CUL5: variants seen among roughly 807,000 people sequenced by gnomAD.
CUL5 encodes the protein cullin 5.
A neutral mutation model predicts 108.8 loss-of-function variants in CUL5; 26 were observed. That is an observed-to-expected ratio of 0.24 (90% confidence interval 0.18 to 0.33). The LOEUF (loss-of-function observed/expected upper bound fraction) is 0.33. CUL5 is among the 10% of genes least tolerant of loss of function. The pLI is 1.00. For synonymous variants in CUL5, 334 were observed against 298.0 expected (o/e 1.12, Z -1.25); for missense variants, 524 against 909.2 (o/e 0.58, Z 5.45).
Position 108,104,165 on chromosome 11 carries a change from CTTTTAT to C in CUL5, c.2149-14_2149-9del. The C allele has an allele frequency of 1.4e-6, 2 of 1,464,876 alleles. No individual in the cohort carries two copies. The highest frequency in any genetic ancestry group is 1.9e-6 in the Non-Finnish European group (2 of 1,078,462). The allele number at this position is 1,464,876 out of a possible 1,614,324, so 90.7% of individuals were successfully genotyped here. ...TAAAATAATTTCGTATATTAATGCG[CTTTTAT>C]TTTTATTTTTTCTTTTAGGAAGCTA... On this transcript the variant is annotated intron_variant, in intron 18 of 18. Transcript: ENST00000393094.
intron 1 of CUL5, among the ~76,000 whole-genome samples, chr11:108,031,474 G>A (rs1449043388): frequency 2.0e-5 from 3 of 152,100 alleles, no homozygotes; most frequent in Admixed American, 6.6e-5. Context: ...TTTTGCATAT[G>A]GTATAAGAAA....
intron 1 of CUL5, among the ~76,000 whole-genome samples, chr11:108,026,775 G>T (rs921940906): frequency 2.0e-5 from 3 of 152,058 alleles, no homozygotes; most frequent in African/African-American, 7.2e-5. Flanking sequence ...CGGATCACGA[G>T]GTCAGGAGTT....
chr11:108,010,511 ACTCCCTGAATAG>A (rs1357206353), intron 1 of CUL5, among the ~76,000 whole-genome samples: 1 of 152,040 alleles, frequency 6.6e-6, no homozygotes, highest in Non-Finnish European at 1.5e-5. Context: ...CTAGAATTAG[ACTCCCTGAATAG>A]CCACCACTTA....
Position 108,094,916 on chromosome 11 carries a change from G to A in CUL5, c.1672G>A (p.Val558Ile), listed in dbSNP as rs1189162598. 4 of 1,613,364 alleles carry A rather than the reference G, an allele frequency of 2.5e-6. No individual in the cohort carries two copies. The highest frequency in any genetic ancestry group is 3.4e-6 in the Non-Finnish European group (4 of 1,179,618). The change falls in exon 15 of 19, where the codon GTA (valine) becomes ATA (isoleucine). Residue 558 changes from valine (V) to isoleucine (I), a missense_variant. This residue lies in a region of CUL5 where 64 missense variants were observed against 152.0 expected (regional missense o/e 0.42). Coordinates refer to ENST00000393094, the MANE Select transcript of CUL5 (RefSeq NM_003478.6). Reference sequence around the variant, plus strand: ...TGAACTGGAGGACTTGATACCGGAAGTAGAAGAATTCTACAAAAAAAATCA... The same window carrying A: ...TGAACTGGAGGACTTGATACCGGAAATAGAAGAATTCTACAAAAAAAATCA... ...PTELEDLIPE[V>I]EEFYKKNHSG...
chr11:108,030,053 A>T (rs1268426493), intron 1 of CUL5, among the ~76,000 whole-genome samples: 1 of 152,240 alleles, frequency 6.6e-6, no homozygotes, highest in African/African-American at 2.4e-5. Context: ...GTTTATTTGC[A>T]CACCTCTTCC....
At chr11:108,058,971 A>G (rs1300994558) in intron 7 of CUL5, among the ~76,000 whole-genome samples, 2 of 152,152 alleles carry the variant, frequency 1.3e-5, no homozygotes, top group Non-Finnish European at 2.9e-5. Context: ...ACACAACCAT[A>G]AGAAAAGAGC....
At chr11:108,065,341 C>T (rs1005978376) in intron 7 of CUL5, among the ~76,000 whole-genome samples, 1 of 152,010 alleles carries the variant, frequency 6.6e-6, no homozygotes, top group Non-Finnish European at 1.5e-5. Context: ...TTTATTATGG[C>T]TTCTATCTCA....
chr11:108,095,556 A>G lies in CUL5; in HGVS notation c.1770A>G (p.Gln590=), dbSNP rs74958279. Residue 590 remains glutamine, a synonymous_variant, in exon 16 of 19, where the codon CAA becomes CAG. Coordinates refer to ENST00000393094, the MANE Select transcript of CUL5 (RefSeq NM_003478.6). The part of the protein sequence containing the change: ...GIITFKNEVG[Q]YDLEVTTFQL... ...TAACATTTAAGAATGAAGTTGGTCA[A>G]TATGATTTGGAGGTAACCACGTTTC... The G allele has an allele frequency of 7.4e-6, 12 of 1,611,608 alleles. No homozygotes were observed. The highest frequency in any genetic ancestry group is 4.0e-5 in the African/African-American group (3 of 74,956).
At chr11:108,042,230 T>TC (rs1016256253) in intron 2 of CUL5, among the ~76,000 whole-genome samples, 2 of 149,808 alleles carry the variant, frequency 1.3e-5, no homozygotes, top group Admixed American at 1.3e-4. Context: ...TTTTTTTTTT[T>TC]TTTTTTTGAG....
chr11:108,046,522 G>A (rs1286959367), intron 3 of CUL5, 153 bp downstream of exon 3: 14 of 536,648 alleles, frequency 2.6e-5, no homozygotes, highest in East Asian at 2.5e-4. Context: ...TGAAATGATC[G>A]TCATTAGTTG....
At chr11:108,099,012 T>TTC (rs1241645772) in intron 18 of CUL5, among the ~76,000 whole-genome samples, 2 of 150,508 alleles carry the variant, frequency 1.3e-5, no homozygotes, top group Non-Finnish European at 3.0e-5. Context: ...GTACTTTTTT[T>TTC]TTTTTTTTTT....
intron 1 of CUL5, among the ~76,000 whole-genome samples, chr11:108,019,286 A>G (rs1243560909): frequency 6.6e-6 from 1 of 152,094 alleles, no homozygotes; most frequent in Non-Finnish European, 1.5e-5. Flanking sequence ...TCTTTTGGTT[A>G]GTGGGGATTG....
intron 10 of CUL5, among the ~76,000 whole-genome samples, chr11:108,076,774 A>G (rs1030167902): frequency 6.6e-6 from 1 of 152,220 alleles, no homozygotes; most frequent in African/African-American, 2.4e-5. Context: ...AAGATAGACT[A>G]TTCAGGATTT....
chr11:108,102,310 G>C lies in CUL5; in HGVS notation c.2149-1880G>C, dbSNP rs144460308. Among the ~76,000 whole-genome samples, 4 of 151,672 alleles carry C rather than the reference G, an allele frequency of 2.6e-5. No individual in the cohort carries two copies. The East Asian group carries it at 5.9e-4, about 22-fold the overall frequency. ...CCTAAAGTGCTGGGATTACAGGCGTGAGCCACCATGCCCGGCCTATTTTTC... is the reference window on the plus strand; with the variant it reads ...CCTAAAGTGCTGGGATTACAGGCGTCAGCCACCATGCCCGGCCTATTTTTC... On this transcript the variant is annotated intron_variant, in intron 18 of 18. Transcript: ENST00000393094.
At chr11:108,039,014 CT>C (rs1299978154) in intron 2 of CUL5, among the ~76,000 whole-genome samples, 187 of 144,446 alleles carry the variant, frequency 1.3e-3, no homozygotes, top group Middle Eastern at 3.5e-3. Flanking sequence ...GTCCTTCACT[CT>C]TTTTTTTTTT....
chr11:108,103,545 C>A (rs1387335602), intron 18 of CUL5, among the ~76,000 whole-genome samples: 1 of 151,986 alleles, frequency 6.6e-6, no homozygotes, highest in Non-Finnish European at 1.5e-5. Flanking sequence ...CAGACCCCAC[C>A]TGACCTGTAC....
At chr11:108,052,252 A>G (rs7934496) in intron 4 of CUL5, among the ~76,000 whole-genome samples, 146,666 of 152,250 alleles carry the variant, frequency 0.96, 70,895 homozygotes, top group East Asian at 1. Flanking sequence ...ATTAGACCAC[A>G]CGCAGTCGAC....
chr11:108,046,395 C>A, intron 3 of CUL5, 26 bp downstream of exon 3: 1 of 1,375,026 alleles, frequency 7.3e-7, no homozygotes, highest in Non-Finnish European at 1.0e-6. Context: ...TTATTTTAGA[C>A]TTGTTTTAAA....
intron 1 of CUL5, among the ~76,000 whole-genome samples, chr11:108,029,022 C>G (rs1449295614): frequency 6.6e-6 from 1 of 152,138 alleles, no homozygotes; most frequent in East Asian, 1.9e-4. Flanking sequence ...TTTGCTCTAC[C>G]TTGAATACAT....
Sources: gnomAD v4.1 joint callset for allele counts (sites outside exome capture counted in the v4.1 genomes callset) on GRCh38, gnomAD v4.1.1 for gene constraint, gnomAD v4.1.1 regional missense constraint, MANE v1.5 for transcripts, NCBI Gene and HGNC (gene_info 2026-07-23, HGNC 2026-07-21) for gene names.